BCL9: variants seen among roughly 807,000 people sequenced by gnomAD.
The protein encoded by BCL9 is B-cell CLL/lymphoma 9 protein.
In BCL9, 25 loss-of-function variants were observed where a neutral mutation model predicts 88.5. That is an observed-to-expected ratio of 0.28 (90% CI 0.21 to 0.39). BCL9 has a LOEUF of 0.39. Ranked by LOEUF, BCL9 falls within the 10% of genes least tolerant of loss-of-function variation. The pLI is 1.00. For missense variants in BCL9, 1,817 were observed against 1,877.8 expected, an observed-to-expected ratio of 0.97 and a Z score of 0.60; for synonymous variants, 711 against 673.3, an observed-to-expected ratio of 1.06 and a Z score of -0.87.
intron 1 of BCL9, among the ~76,000 whole-genome samples, chr1:147,591,033 CA>C (rs761614246): frequency 1.3e-5 from 2 of 152,136 alleles, no homozygotes; most frequent in Non-Finnish European, 2.9e-5. Flanking sequence ...AGCAAGAATA[CA>C]GGCTTTGCCA....
intron 3 of BCL9, among the ~76,000 whole-genome samples, chr1:147,607,277 A>G (rs1657766737): frequency 6.6e-6 from 1 of 152,206 alleles, no homozygotes; most frequent in Non-Finnish European, 1.5e-5. Flanking sequence ...TACTGTAAAT[A>G]ATGCTGCAGT....
chr1:147,616,772 C>CAAA (rs59428662), intron 7 of BCL9, among the ~76,000 whole-genome samples: 1 of 147,094 alleles, frequency 6.8e-6, no homozygotes, highest in African/African-American at 2.5e-5. Context: ...GACTCTGTCT[C>CAAA]AAAAAAAAAA....
In BCL9 at chr1:147,623,996, G is replaced by C; in HGVS notation, c.3318G>C (p.Gly1106=). ...TGGGACCCAACATACCTCCTCATGG[G>C]GTCCCAATGGGGCCTGGCTTGATGT... ...NAVGPNIPPH[G]VPMGPGLMSH... The change falls in exon 10 of 10, where the codon GGG becomes GGC. Residue 1106 remains glycine (G), a synonymous_variant. Coordinates refer to ENST00000234739, the MANE Select transcript of BCL9 (RefSeq NM_004326.4). 2 of 1,614,146 alleles carry C rather than the reference G, an allele frequency of 1.2e-6. No homozygotes were observed. Among genetic ancestry groups the C allele is most frequent in the Non-Finnish European group, 1.7e-6 (2 of 1,180,030 alleles).
intron 1 of BCL9, among the ~76,000 whole-genome samples, chr1:147,587,756 CTGTGTGTGTGTG>C (rs3045400): frequency 0.091 from 12,909 of 141,862 alleles, 1,434 homozygotes; most frequent in African/African-American, 0.27. Flanking sequence ...GTAGTGAGGC[CTGTGTGTGTGTG>C]TGTGTGTGTG....
At chr1:147,612,759 A>T (rs1186587152) in intron 4 of BCL9, 124 bp from the exon 5 acceptor site, 2 of 917,616 alleles carry the variant, frequency 2.2e-6, no homozygotes, top group Non-Finnish European at 3.3e-6. Context: ...GCTGAGGTGA[A>T]TCATGGGGTG....
chr1:147,561,190 T>G (rs1655359961), intron 1 of BCL9, among the ~76,000 whole-genome samples: 1 of 152,182 alleles, frequency 6.6e-6, no homozygotes, highest in African/African-American at 2.4e-5. Context: ...AGCTGAAACT[T>G]TTATCTTTTT....
At chr1:147,581,415 A>G (rs1263594887) in intron 1 of BCL9, among the ~76,000 whole-genome samples, 1 of 152,218 alleles carries the variant, frequency 6.6e-6, no homozygotes, top group Non-Finnish European at 1.5e-5. Flanking sequence ...CAGCTTCTAG[A>G]AAAATGCATC....
chr1:147,576,860 T>A (rs1366714414), intron 1 of BCL9, among the ~76,000 whole-genome samples: 3 of 152,170 alleles, frequency 2.0e-5, no homozygotes, highest in Non-Finnish European at 4.4e-5. Flanking sequence ...CGATACCTTT[T>A]ATATCAACAG....
At chr1:147,566,495 C>G (rs1655601648) in intron 1 of BCL9, among the ~76,000 whole-genome samples, 1 of 151,984 alleles carries the variant, frequency 6.6e-6, no homozygotes, top group Non-Finnish European at 1.5e-5. Flanking sequence ...GTGGCTCACA[C>G]CTGTATTCCC....
intron 6 of BCL9, among the ~76,000 whole-genome samples, chr1:147,615,072 C>T (rs1658205383): frequency 6.6e-6 from 1 of 152,036 alleles, no homozygotes. Flanking sequence ...AACTCCTGGC[C>T]TCAGGTGATC....
intron 8 of BCL9, 95 bp downstream of exon 8, chr1:147,621,152 A>T (rs1658618392): frequency 6.1e-6 from 8 of 1,319,526 alleles, no homozygotes; most frequent in Non-Finnish European, 8.2e-6. Flanking sequence ...GAGTACACAG[A>T]CAGAGGAGGC....
intron 1 of BCL9, among the ~76,000 whole-genome samples, chr1:147,586,605 G>C (rs1300223296): frequency 1.3e-5 from 2 of 152,118 alleles, no homozygotes; most frequent in Non-Finnish European, 2.9e-5. Flanking sequence ...GTCTGCTCCG[G>C]GGCCAGGGGA....
chr1:147,598,182 T>C (rs1374513442), intron 1 of BCL9, among the ~76,000 whole-genome samples: 1 of 152,258 alleles, frequency 6.6e-6, no homozygotes, highest in Non-Finnish European at 1.5e-5. Flanking sequence ...CCTGACTTTT[T>C]CCTCCTGCCT....
intron 1 of BCL9, among the ~76,000 whole-genome samples, chr1:147,600,857 T>C (rs781802403): frequency 1.3e-5 from 2 of 152,078 alleles, no homozygotes; most frequent in Non-Finnish European, 2.9e-5. Context: ...ATTGGTGATG[T>C]CTAGGTCACT....
chr1:147,541,800 C>G (rs1654332649), intron 1 of BCL9, 126 bp downstream of exon 1: 1 of 152,148 alleles, frequency 6.6e-6, no homozygotes. Context: ...CTGCGTTGCC[C>G]CTGGAAGTCT....
chr1:147,558,730 G>C (rs889130128), intron 1 of BCL9, among the ~76,000 whole-genome samples: 1 of 152,146 alleles, frequency 6.6e-6, no homozygotes, highest in Non-Finnish European at 1.5e-5. Context: ...TATAGGACAT[G>C]ATATAGAAAT....
intron 1 of BCL9, among the ~76,000 whole-genome samples, chr1:147,592,888 A>T (rs782487606): frequency 6.6e-6 from 1 of 152,322 alleles, no homozygotes; most frequent in African/African-American, 2.4e-5. Context: ...TGGGGGAAAA[A>T]AAAACCTAGA....
intron 1 of BCL9, among the ~76,000 whole-genome samples, chr1:147,566,595 A>T (rs1570831864): frequency 6.6e-6 from 1 of 151,880 alleles, no homozygotes; most frequent in African/African-American, 2.4e-5. Context: ...TCTCTACTAA[A>T]AATACAAAAA....
Position 147,620,833 on chromosome 1 carries a change from C to T in BCL9, c.2678C>T (p.Ala893Val), listed in dbSNP as rs1658595600. ...LKSPQTPSQLAGMLAGPAAAA... is the reference protein window; with the variant it reads ...LKSPQTPSQLVGMLAGPAAAA... ...TCCCCCCAGACTCCATCGCAGCTGG[C>T]AGGCATGCTGGCGGGCCCAGCTGCT... The change falls in exon 8 of 10, where the codon GCA becomes GTA. Residue 893 changes from alanine to valine, a missense_variant. Physicochemically the swap from Ala to Val is moderately conservative, Grantham distance 64 (BLOSUM62 0). This residue lies in a region of BCL9 where 1,228 missense variants were observed against 1,191.6 expected (regional missense o/e 1.03). Coordinates refer to ENST00000234739, the MANE Select transcript of BCL9 (RefSeq NM_004326.4). The T allele has an allele frequency of 6.2e-7, 1 of 1,614,200 alleles. No individual in the cohort carries two copies. Among genetic ancestry groups the T allele is most frequent in the African/African-American group, 1.3e-5 (1 of 75,054 alleles).
Sources: allele counts gnomAD v4.1 joint callset (sites outside exome capture counted in the v4.1 genomes callset), GRCh38; gene constraint gnomAD v4.1.1; regional missense constraint gnomAD v4.1.1; transcripts MANE v1.5; gene names NCBI Gene and HGNC (gene_info 2026-07-23, HGNC 2026-07-21).